The following SCRG1 variants were observed in gnomAD, a reference collection of about 807,000 sequenced individuals.
The protein encoded by SCRG1 is stimulator of chondrogenesis 1.
In SCRG1, 3 loss-of-function variants were observed where a neutral mutation model predicts 7.7. The observed-to-expected ratio is 0.39, with a 90% CI of 0.18 to 1.01. The LOEUF is 1.01. Among genes scored for constraint, SCRG1 ranks in the 50% least tolerant of loss-of-function variants. SCRG1 has a pLI of 0.36. For missense variants in SCRG1, 110 were observed against 117.2 expected (o/e 0.94, Z 0.28); for synonymous variants, 46 against 41.2 (o/e 1.12, Z -0.44).
chr4:173,458,937 AC>A, the SCRG1 span, among the ~76,000 whole-genome samples: 1 of 152,236 alleles, frequency 6.6e-6, no homozygotes, highest in African/African-American at 2.4e-5. Context: ...ACAGACAGAA[AC>A]AAAAAATAAG....
the SCRG1 span, among the ~76,000 whole-genome samples, chr4:173,411,595 CTATAAATCAGTA>C: frequency 6.6e-6 from 1 of 152,138 alleles, no homozygotes; most frequent in Non-Finnish European, 1.5e-5. Flanking sequence ...AAATGTATTT[CTATAAATCAGTA>C]TATAAATAAA....
the SCRG1 span, among the ~76,000 whole-genome samples, chr4:173,460,449 C>T: frequency 0.034 from 5,187 of 152,282 alleles, 326 homozygotes; most frequent in African/African-American, 0.12. Context: ...ATGAGGAAGA[C>T]TTTGTCTTAC....
chr4:173,416,911 AACACACACACACACACACACACACACAC>A, the SCRG1 span, among the ~76,000 whole-genome samples: 6 of 125,238 alleles, frequency 4.8e-5, no homozygotes, highest in African/African-American at 2.0e-4. Context: ...CACACACCCA[AACACACACACACACACACACACACACAC>A]ACACACACAC....
At chr4:173,427,129 G>A in the SCRG1 span, among the ~76,000 whole-genome samples, 1 of 152,182 alleles carries the variant, frequency 6.6e-6, no homozygotes. Context: ...TTTCCAGTGA[G>A]GAAAATGAGA....
At chr4:173,484,463 C>T in the SCRG1 span, among the ~76,000 whole-genome samples, 43 of 12,592 alleles carry the variant, frequency 3.4e-3, 1 homozygote, top group Non-Finnish European at 7.4e-3. Context: ...ATATTATATA[C>T]ATATAATATA....
the SCRG1 span, among the ~76,000 whole-genome samples, chr4:173,450,949 G>A: frequency 2.0e-5 from 3 of 152,122 alleles, no homozygotes; most frequent in African/African-American, 7.2e-5. Flanking sequence ...AACCAGGAGA[G>A]AGAAGGGGGA....
At position 173,391,295 on chromosome 4, in the gene SCRG1, G is replaced by C. The variant is rs767596287; in HGVS notation, c.120C>G (p.Asn40Lys). ...TCAGGTCAGCTACTCCTTCCGGAAG[G>C]TTGTGACAGTTGTGATCTTTTAGTA... The part of the protein sequence containing the change: ...RKILKDHNCH[N>K]LPEGVADLTQ... The change falls in exon 2 of 3, where the codon AAC becomes AAG. Residue 40 changes from asparagine (N) to lysine (K), a missense_variant. Physicochemically the swap from Asn to Lys is moderately conservative, Grantham distance 94 (BLOSUM62 0). Coordinates refer to ENST00000296506, the MANE Select transcript of SCRG1 (RefSeq NM_007281.4). 6.2e-7 allele frequency: 1 copy of C among 1,614,170 alleles called. No individual in the cohort carries two copies. Among genetic ancestry groups the C allele is most frequent in the Non-Finnish European group, 8.5e-7 (1 of 1,180,028 alleles).
chr4:173,497,593 CAG>C, the SCRG1 span, among the ~76,000 whole-genome samples: 3 of 145,256 alleles, frequency 2.1e-5, no homozygotes, highest in African/African-American at 7.6e-5. Flanking sequence ...TTCAACATGG[CAG>C]AGAGTCCTTG....
At chr4:173,430,058 A>G in the SCRG1 span, among the ~76,000 whole-genome samples, 1 of 152,106 alleles carries the variant, frequency 6.6e-6, no homozygotes, top group African/African-American at 2.4e-5. Flanking sequence ...CCATGAAAGT[A>G]CAAGAGACAA....
upstream of SCRG1, among the ~76,000 whole-genome samples, chr4:173,409,957 T>C (rs1379210709): frequency 2.6e-5 from 4 of 152,140 alleles, no homozygotes; most frequent in Non-Finnish European, 5.9e-5. Context: ...AAAGAACATT[T>C]TGTGGCCTTA....
intron 1 of SCRG1, among the ~76,000 whole-genome samples, chr4:173,393,026 G>A (rs1393786857): frequency 6.6e-6 from 1 of 151,928 alleles, no homozygotes; most frequent in Non-Finnish European, 1.5e-5. Context: ...GGGAGACAGA[G>A]GTTGCAGTGA....
the SCRG1 span, among the ~76,000 whole-genome samples, chr4:173,412,183 T>C: frequency 6.6e-6 from 1 of 152,070 alleles, no homozygotes; most frequent in Admixed American, 6.5e-5. Context: ...CATGATGTCA[T>C]TTGGTGGCAT....
intron 1 of SCRG1, among the ~76,000 whole-genome samples, chr4:173,405,005 A>G (rs1018676972): frequency 9.2e-5 from 14 of 152,150 alleles, no homozygotes; most frequent in African/African-American, 3.4e-4. Context: ...TCCATTTTTT[A>G]TAATTAATAA....
Position 173,391,215 on chromosome 4 carries a change from A to G in SCRG1, c.200T>C (p.Met67Thr), listed in dbSNP as rs1560829675. The G allele has an allele frequency of 6.2e-7, 1 of 1,614,238 alleles. No homozygotes were observed. The part of the protein sequence containing the change: ...DHFWDGKGCE[M>T]ICYCNFSELL... ...TTCGCTGAAGTTGCAGTAACAGATC[A>G]TCTCACATCCCTTCCCATCCCAGAA... Residue 67 changes from methionine to threonine, a missense_variant, in exon 2 of 3, where the codon ATG becomes ACG. Transcript: ENST00000296506.
At chr4:173,392,231 T>C (rs1739470289) in intron 1 of SCRG1, among the ~76,000 whole-genome samples, 1 of 152,232 alleles carries the variant, frequency 6.6e-6, no homozygotes, top group Non-Finnish European at 1.5e-5. Flanking sequence ...TGATTGTTTT[T>C]TAACTTCCAG....
At chr4:173,493,578 A>ACTGTTCTC in the SCRG1 span, among the ~76,000 whole-genome samples, 3 of 148,318 alleles carry the variant, frequency 2.0e-5, no homozygotes, top group African/African-American at 7.6e-5. Flanking sequence ...AGATCGCGCC[A>ACTGTTCTC]CTGTTCTCCA....
chr4:173,499,778 C>T, the SCRG1 span, among the ~76,000 whole-genome samples: 1 of 152,074 alleles, frequency 6.6e-6, no homozygotes, highest in African/African-American at 2.4e-5. This position sits in a 1 kb window ranked among gnomAD's most constrained non-coding sequence, Gnocchi z 4.1. Context: ...GAGCCAATGG[C>T]TCCCTCCCAT....
the SCRG1 span, among the ~76,000 whole-genome samples, chr4:173,513,140 A>G: frequency 6.6e-6 from 1 of 152,136 alleles, no homozygotes; most frequent in Non-Finnish European, 1.5e-5. Flanking sequence ...TTTGAGTTGG[A>G]GAGAGGGGAC....
At chr4:173,466,054 G>T in the SCRG1 span, among the ~76,000 whole-genome samples, 1 of 152,068 alleles carries the variant, frequency 6.6e-6, no homozygotes, top group Non-Finnish European at 1.5e-5. Context: ...CTTCCCCTTG[G>T]TTTAAAGACC....
Sources: allele counts gnomAD v4.1 joint callset (sites outside exome capture counted in the v4.1 genomes callset), GRCh38; gene constraint gnomAD v4.1.1; non-coding constraint Gnocchi (gnomAD v3.1); transcripts MANE v1.5; gene names NCBI Gene and HGNC (gene_info 2026-07-23, HGNC 2026-07-21).